XRCC4: variants seen among roughly 807,000 people sequenced by gnomAD.
The protein encoded by XRCC4 is X-ray repair cross complementing 4.
Under a neutral mutation model 39.1 loss-of-function variants are expected in XRCC4, and 28 were observed. The observed-to-expected ratio is 0.72, with a 90% CI of 0.53 to 0.98. The LOEUF is 0.98. XRCC4 is among the 50% of genes least tolerant of loss of function. XRCC4 has a pLI of 0.00. For synonymous variants in XRCC4, 123 were observed against 126.4 expected (o/e 0.97, Z 0.18); for missense variants, 350 against 376.4 (o/e 0.93, Z 0.58).
chr5:83,124,824 C>G (rs1314803449), intron 3 of XRCC4, among the ~76,000 whole-genome samples: 2 of 152,106 alleles, frequency 1.3e-5, no homozygotes, highest in African/African-American at 4.8e-5. Context: ...CTTTTAGAAA[C>G]AGGTTGCTGA....
At chr5:83,116,608 C>CTTTTTT (rs559079642) in intron 3 of XRCC4, among the ~76,000 whole-genome samples, 34 of 103,188 alleles carry the variant, frequency 3.3e-4, no homozygotes, top group Non-Finnish European at 4.8e-4. Flanking sequence ...TTCTCTCTCT[C>CTTTTTT]TTTTTTTTTT....
intron 7 of XRCC4, among the ~76,000 whole-genome samples, chr5:83,334,687 A>G (rs1031249713): frequency 5.9e-5 from 9 of 151,840 alleles, no homozygotes; most frequent in Non-Finnish European, 1.3e-4. Flanking sequence ...ATATATATAT[A>G]TATAAGATAG....
At chr5:83,315,768 T>C (rs1580502862) in intron 7 of XRCC4, among the ~76,000 whole-genome samples, 2 of 152,140 alleles carry the variant, frequency 1.3e-5, no homozygotes, top group African/African-American at 4.8e-5. Context: ...TTTCAAAATA[T>C]TACTGCTCAT....
intron 3 of XRCC4, among the ~76,000 whole-genome samples, chr5:83,135,461 T>C (rs1747850618): frequency 6.6e-6 from 1 of 152,072 alleles, no homozygotes; most frequent in Non-Finnish European, 1.5e-5. Flanking sequence ...AAGTTGATTA[T>C]AATATGCCAT....
intron 1 of XRCC4, among the ~76,000 whole-genome samples, chr5:83,080,833 A>C (rs1443467212): frequency 1.3e-5 from 2 of 152,200 alleles, no homozygotes; most frequent in African/African-American, 4.8e-5. Flanking sequence ...TGCCTCTTTT[A>C]AGCAAAAAAA....
At chr5:83,134,597 G>A (rs929385447) in intron 3 of XRCC4, among the ~76,000 whole-genome samples, 2 of 152,168 alleles carry the variant, frequency 1.3e-5, no homozygotes, top group African/African-American at 2.4e-5. Flanking sequence ...TGACCAATCA[G>A]TTCTCTGTAA....
intron 6 of XRCC4, among the ~76,000 whole-genome samples, chr5:83,206,675 T>C (rs555112443): frequency 6.6e-6 from 1 of 152,242 alleles, no homozygotes; most frequent in African/African-American, 2.4e-5. Context: ...TTGTTTGTTG[T>C]TTTTAAATAA....
chr5:83,141,203 A>G (rs1367963491), intron 3 of XRCC4, among the ~76,000 whole-genome samples: 2 of 152,088 alleles, frequency 1.3e-5, no homozygotes, highest in African/African-American at 4.8e-5. Flanking sequence ...ACTTTCAACA[A>G]CCCTCCAATG....
At chr5:83,274,458 G>A (rs1444894432) in intron 7 of XRCC4, among the ~76,000 whole-genome samples, 1 of 152,172 alleles carries the variant, frequency 6.6e-6, no homozygotes, top group Non-Finnish European at 1.5e-5. Context: ...GAGCCAGACA[G>A]TGACTTAGGC....
chr5:83,196,040 C>A, intron 4 of XRCC4, 104 bp downstream of exon 4: 1 of 1,195,468 alleles, frequency 8.4e-7, no homozygotes, highest in Non-Finnish European at 1.1e-6. Flanking sequence ...TGGATTAGCA[C>A]ATATATATTT....
At chr5:83,175,010 A>G (rs73132584) in intron 3 of XRCC4, among the ~76,000 whole-genome samples, 2 of 152,324 alleles carry the variant, frequency 1.3e-5, no homozygotes, top group South Asian at 2.1e-4. Flanking sequence ...CCTTGTTCAC[A>G]TACATGGTAG....
chr5:83,185,695 A>C (rs1380540717), intron 3 of XRCC4, among the ~76,000 whole-genome samples: 1 of 152,038 alleles, frequency 6.6e-6, no homozygotes. Context: ...ATAGAAACTA[A>C]TGAGACTGAA....
chr5:83,194,136 A>G (rs1323021533), intron 3 of XRCC4, among the ~76,000 whole-genome samples: 2 of 152,078 alleles, frequency 1.3e-5, no homozygotes, highest in Non-Finnish European at 2.9e-5. Context: ...CACTGTCTTT[A>G]CAACACTGTG....
intron 3 of XRCC4, among the ~76,000 whole-genome samples, chr5:83,157,824 C>T (rs1749032387): frequency 6.6e-6 from 1 of 151,632 alleles, no homozygotes; most frequent in South Asian, 2.1e-4. Context: ...AATAAGAGTT[C>T]CAGGAAGAGG....
intron 6 of XRCC4, among the ~76,000 whole-genome samples, chr5:83,250,704 A>G (rs1753274369): frequency 6.6e-6 from 1 of 152,222 alleles, no homozygotes; most frequent in Non-Finnish European, 1.5e-5. Context: ...CTTTTCTTAA[A>G]TCAGTTTGCT....
At chr5:83,218,010 G>A (rs1015099110) in intron 6 of XRCC4, among the ~76,000 whole-genome samples, 21 of 150,944 alleles carry the variant, frequency 1.4e-4, no homozygotes, top group African/African-American at 4.2e-4. Flanking sequence ...GTATGTGGTC[G>A]CTTATTTAAC....
intron 3 of XRCC4, among the ~76,000 whole-genome samples, chr5:83,126,784 G>A (rs1176728932): frequency 6.6e-6 from 1 of 152,172 alleles, no homozygotes; most frequent in Non-Finnish European, 1.5e-5. Context: ...AAGCCATGGG[G>A]GCAGGAATGT....
At chr5:83,298,968 T>C (rs548727911) in intron 7 of XRCC4, among the ~76,000 whole-genome samples, 1 of 152,142 alleles carries the variant, frequency 6.6e-6, no homozygotes, top group Admixed American at 6.5e-5. Flanking sequence ...ACATTCTTAT[T>C]GTTATTTTAT....
intron 7 of XRCC4, among the ~76,000 whole-genome samples, chr5:83,328,195 C>CTTAT (rs952985687): frequency 6.6e-6 from 1 of 152,040 alleles, no homozygotes; most frequent in Non-Finnish European, 1.5e-5. Flanking sequence ...GACTTATTAA[C>CTTAT]TATCAGGAGA....
Sources: gnomAD v4.1 joint callset for allele counts (sites outside exome capture counted in the v4.1 genomes callset) on GRCh38, gnomAD v4.1.1 for gene constraint, MANE v1.5 for transcripts, NCBI Gene and HGNC (gene_info 2026-07-23, HGNC 2026-07-21) for gene names.